KPNA7: variants seen among roughly 807,000 people sequenced by gnomAD.
KPNA7 encodes importin subunit alpha-8.
KPNA7 carries 54 observed loss-of-function variants against 53.7 expected under a neutral mutation model. That is an observed-to-expected ratio of 1.01 (90% CI 0.81 to 1.26). The LOEUF is 1.26. KPNA7 is among the 50% of genes most tolerant of loss of function. The pLI, the probability that KPNA7 is intolerant of heterozygous loss-of-function variation, is 0.00. For synonymous variants in KPNA7, 276 were observed against 259.3 expected (o/e 1.06, Z -0.62); for missense variants, 640 against 644.5 (o/e 0.99, Z 0.07).
At chr7:99,186,452 C>T (rs981018815) in intron 7 of KPNA7, among the ~76,000 whole-genome samples, 1 of 152,124 alleles carries the variant, frequency 6.6e-6, no homozygotes, top group African/African-American at 2.4e-5. Flanking sequence ...CAAATAGGCC[C>T]CAGAACCCGG....
At chr7:99,162,283 A>G in the KPNA7 span, among the ~76,000 whole-genome samples, 1 of 152,058 alleles carries the variant, frequency 6.6e-6, no homozygotes, top group Non-Finnish European at 1.5e-5. Flanking sequence ...ACCTCAGGTG[A>G]TCTACCTGCC....
chr7:99,170,362 G>A (rs942867414), downstream of KPNA7, among the ~76,000 whole-genome samples: 5 of 151,914 alleles, frequency 3.3e-5, no homozygotes, highest in African/African-American at 1.2e-4. Flanking sequence ...AGTGACTGCA[G>A]AAATGAAAAG....
upstream of KPNA7, among the ~76,000 whole-genome samples, chr7:99,210,951 C>T (rs1791053510): frequency 6.6e-6 from 1 of 151,672 alleles, no homozygotes; most frequent in African/African-American, 2.4e-5. Context: ...TCATCTGTTT[C>T]TGACCATACG....
chr7:99,149,275 C>A, the KPNA7 span, among the ~76,000 whole-genome samples: 1 of 152,170 alleles, frequency 6.6e-6, no homozygotes. Flanking sequence ...TGTTCAGGAT[C>A]CAGGACAATA....
rs61749907 is a variant in KPNA7 at position 99,203,211 on chromosome 7, A to G, written c.96T>C (p.Ser32=). 121,189 of 1,551,552 alleles carry G rather than the reference A, an allele frequency of 0.078. 5,082 individuals carry two copies. The highest frequency in any genetic ancestry group is 0.13 in the South Asian group (10,898 of 84,026). Residue 32 remains serine, a synonymous_variant, in exon 3 of 11, where the codon AGT becomes AGC. Transcript: ENST00000327442. The part of the protein sequence containing the change: ...SLRRQQRMAV[S]LELRKAKKDE... The stretch of plus-strand genomic sequence containing the variant: ...CTTTCTTGGCCTTTCGGAGCTCCAG[A>G]CTGACCGCCATCCTCTGCTGTCGCC...
intron 5 of KPNA7, among the ~76,000 whole-genome samples, chr7:99,193,434 A>G (rs1001122562): frequency 2.0e-5 from 3 of 152,236 alleles, no homozygotes; most frequent in African/African-American, 7.2e-5. Flanking sequence ...ACCTTGGCAC[A>G]GGGCAGTAAC....
upstream of KPNA7, among the ~76,000 whole-genome samples, chr7:99,210,556 C>CT (rs971924126): frequency 5.7e-4 from 87 of 152,160 alleles, no homozygotes; most frequent in Middle Eastern, 3.4e-3. Flanking sequence ...CAAGTTTGAA[C>CT]TTTTTTTAAA....
chr7:99,166,762 G>A, the KPNA7 span, among the ~76,000 whole-genome samples: 1 of 151,880 alleles, frequency 6.6e-6, no homozygotes, highest in African/African-American at 2.4e-5. Context: ...TGGGATTACA[G>A]GCATGTGCCA....
chr7:99,148,619 TCTCA>T, the KPNA7 span, among the ~76,000 whole-genome samples: 1 of 152,054 alleles, frequency 6.6e-6, no homozygotes, highest in African/African-American at 2.4e-5. Flanking sequence ...AAAGAGAGGG[TCTCA>T]CTCTGTCACC....
the KPNA7 span, among the ~76,000 whole-genome samples, chr7:99,155,070 T>C: frequency 6.6e-6 from 1 of 152,180 alleles, no homozygotes; most frequent in Non-Finnish European, 1.5e-5. Flanking sequence ...CATATGCACA[T>C]ATATTTATTG....
In KPNA7 at chr7:99,213,729, GCCC is replaced by G. The variant is rs564106457; in HGVS notation, c.-23-6243_-23-6241del. Among the ~76,000 whole-genome samples, 45 of 152,126 alleles carry G rather than the reference GCCC, an allele frequency of 3.0e-4. 2 individuals carry two copies. The South Asian group carries it at 8.9e-3, about 30-fold the overall frequency. ...GGGCTCAAGCAATCCTCTCACCTCA[GCCC>G]CCCAAGTAGCTGGGACTACAGATAT... On this transcript the variant is annotated intron_variant, in intron 1 of 10. Transcript: ENST00000681060.
upstream of KPNA7, among the ~76,000 whole-genome samples, chr7:99,212,231 TC>T (rs1791093030): frequency 7.6e-6 from 1 of 131,390 alleles, no homozygotes; most frequent in Non-Finnish European, 1.6e-5. Context: ...TCCACATGTG[TC>T]CTTTTTTTTT....
At chr7:99,163,382 T>TATATATATATATA in the KPNA7 span, among the ~76,000 whole-genome samples, 1 of 54,802 alleles carries the variant, frequency 1.8e-5, no homozygotes, top group Non-Finnish European at 3.5e-5. Flanking sequence ...TATATATATA[T>TATATATATATATA]ATTTTTTTTT....
intron 3 of KPNA7, among the ~76,000 whole-genome samples, chr7:99,198,506 C>T (rs531274636): frequency 2.7e-5 from 4 of 150,656 alleles, no homozygotes; most frequent in African/African-American, 7.3e-5. Flanking sequence ...CATAGTACCC[C>T]GTATTAATAA....
upstream of KPNA7, among the ~76,000 whole-genome samples, chr7:99,211,654 T>G (rs555202258): frequency 6.6e-6 from 1 of 152,064 alleles, no homozygotes; most frequent in South Asian, 2.1e-4. Context: ...AAAATCAAGC[T>G]CCAGCCACCC....
At chr7:99,170,491 G>A (rs1034887195), downstream of KPNA7, among the ~76,000 whole-genome samples, 2 of 151,868 alleles carry the variant, frequency 1.3e-5, no homozygotes, top group Non-Finnish European at 2.9e-5. Flanking sequence ...GGTGGTGGCA[G>A]GGGAGATAAT....
the KPNA7 span, among the ~76,000 whole-genome samples, chr7:99,152,767 A>G: frequency 3.9e-5 from 6 of 152,190 alleles, no homozygotes; most frequent in African/African-American, 1.4e-4. Context: ...TTAGAGGTAT[A>G]ATCATTTTAG....
chr7:99,157,060 TC>T, the KPNA7 span, among the ~76,000 whole-genome samples: 2 of 152,152 alleles, frequency 1.3e-5, no homozygotes, highest in Non-Finnish European at 2.9e-5. Flanking sequence ...CTGAGAGTGT[TC>T]CTTTTTCATG....
In KPNA7 at chr7:99,195,293, A is replaced by C. The variant is rs1790169439; in HGVS notation, c.330T>G (p.Ile110Met). Reference protein sequence around the residue: ...QEKNPPLKLVIEAGLIPRMVE... With the variant: ...QEKNPPLKLVMEAGLIPRMVE... ...CCATCCTGGGAATGAGGCCCGCTTC[A>C]ATGACCAGTTTCAGAGGGGGGTTCT... The change falls in exon 5 of 11, where the codon ATT (isoleucine) becomes ATG (methionine). Residue 110 changes from isoleucine to methionine, a missense_variant. Coordinates refer to ENST00000327442, the MANE Select transcript of KPNA7 (RefSeq NM_001145715.3). 3 of 1,551,648 alleles carry C rather than the reference A, an allele frequency of 1.9e-6. No individual in the cohort carries two copies. The highest frequency in any genetic ancestry group is 2.6e-6 in the Non-Finnish European group (3 of 1,146,990).
Sources: allele counts gnomAD v4.1 joint callset (sites outside exome capture counted in the v4.1 genomes callset), GRCh38; gene constraint gnomAD v4.1.1; transcripts MANE v1.5; gene names NCBI Gene and HGNC (gene_info 2026-07-23, HGNC 2026-07-21).